CSMD1: variants seen among roughly 807,000 people sequenced by gnomAD.
CSMD1 encodes the protein CUB and Sushi multiple domains 1, also known as CUB and sushi domain-containing protein 1.
A neutral mutation model predicts 417.5 loss-of-function variants in CSMD1; 213 were observed. The ratio of observed to expected loss-of-function variants is 0.51; its 90% CI spans 0.46 to 0.57. The LOEUF is 0.57. CSMD1 is among the 20% of genes least tolerant of loss of function. The pLI, the probability that CSMD1 is intolerant of heterozygous loss-of-function variation, is 0.00. For missense variants in CSMD1, 6,923 were observed against 4,529.7 expected, an observed-to-expected ratio of 1.53 and a Z score of -15.17; for synonymous variants, 2,862 against 1,736.8, an observed-to-expected ratio of 1.65 and a Z score of -16.11.
chr8:4,063,481 G>A (rs908123855), intron 3 of CSMD1, among the ~76,000 whole-genome samples: 11 of 152,200 alleles, frequency 7.2e-5, no homozygotes, highest in East Asian at 3.9e-4. Context: ...TCTTATATGC[G>A]TCTATTAAAT....
intron 15 of CSMD1, among the ~76,000 whole-genome samples, chr8:3,401,680 T>C (rs1352543924): frequency 2.0e-5 from 3 of 152,134 alleles, no homozygotes; most frequent in African/African-American, 7.2e-5. Context: ...ACAGGTCCCT[T>C]CTTCAGTTGC....
intron 3 of CSMD1, among the ~76,000 whole-genome samples, chr8:4,242,629 A>T (rs1504771): frequency 0.47 from 70,904 of 152,046 alleles, 17,677 homozygotes; most frequent in Non-Finnish European, 0.55. Flanking sequence ...TTCATGAGGC[A>T]TCTTTGTGTG....
intron 3 of CSMD1, among the ~76,000 whole-genome samples, chr8:4,041,106 T>A (rs1190049240): frequency 7.1e-6 from 1 of 140,508 alleles, no homozygotes; most frequent in Non-Finnish European, 1.5e-5. Context: ...AAGCTCCGCC[T>A]CCCGGGTTCC....
intron 54 of CSMD1, among the ~76,000 whole-genome samples, chr8:2,982,210 G>C (rs993150051): frequency 1.3e-5 from 2 of 152,062 alleles, no homozygotes; most frequent in African/African-American, 4.8e-5. Flanking sequence ...ACAAAAATTA[G>C]CCAGGCATGG....
chr8:3,787,504 A>G (rs1216806692), intron 5 of CSMD1, among the ~76,000 whole-genome samples: 3 of 152,224 alleles, frequency 2.0e-5, no homozygotes, highest in African/African-American at 7.2e-5. Context: ...ACAGCTTATC[A>G]GAAGAACCTA....
Position 4,205,880 on chromosome 8 carries a change from T to C in CSMD1, c.416-173781A>G, listed in dbSNP as rs138873155. Reference sequence around the variant, plus strand: ...AAAAAACAGAAAATGAACTTCCTATTATGCACTGTGCAGAAAATCAGTACC... The same window carrying C: ...AAAAAACAGAAAATGAACTTCCTATCATGCACTGTGCAGAAAATCAGTACC... On this transcript the variant is annotated intron_variant, in intron 3 of 69. Coordinates refer to ENST00000635120, the MANE Select transcript of CSMD1 (RefSeq NM_033225.6). Among the ~76,000 whole-genome samples the C allele has an allele frequency of 2.2e-3, 337 of 152,288 alleles. 2 individuals carry two copies. Among genetic ancestry groups the C allele is most frequent in the African/African-American group, 7.9e-3 (327 of 41,564 alleles).
intron 5 of CSMD1, among the ~76,000 whole-genome samples, chr8:3,949,757 G>A (rs961121012): frequency 6.6e-6 from 1 of 152,134 alleles, no homozygotes; most frequent in African/African-American, 2.4e-5. Flanking sequence ...GGATCTCCAA[G>A]AAGCGCACAA....
intron 12 of CSMD1, among the ~76,000 whole-genome samples, chr8:3,447,978 C>G (rs1242926853): frequency 6.6e-6 from 1 of 152,102 alleles, no homozygotes; most frequent in Non-Finnish European, 1.5e-5. Flanking sequence ...GAAAAGAAAG[C>G]AGAGCTGAGG....
intron 2 of CSMD1, among the ~76,000 whole-genome samples, chr8:4,451,393 G>C (rs1016587016): frequency 2.0e-5 from 3 of 152,232 alleles, no homozygotes; most frequent in African/African-American, 7.2e-5. Flanking sequence ...GATAATTATT[G>C]AACATGTGCT....
intron 11 of CSMD1, among the ~76,000 whole-genome samples, chr8:3,484,827 T>C (rs570801424): frequency 1.3e-5 from 2 of 152,284 alleles, no homozygotes; most frequent in South Asian, 4.1e-4. Context: ...TGACAAAATG[T>C]TCAGTATCAT....
intron 1 of CSMD1, among the ~76,000 whole-genome samples, chr8:4,650,325 G>A (rs1476544376): frequency 7.9e-6 from 1 of 126,100 alleles, no homozygotes; most frequent in African/African-American, 3.1e-5. Context: ...AGCCTGGGCA[G>A]CAGTACGAGA....
intron 12 of CSMD1, among the ~76,000 whole-genome samples, chr8:3,465,069 A>C (rs1343995710): frequency 6.6e-6 from 1 of 152,162 alleles, no homozygotes; most frequent in African/African-American, 2.4e-5. Flanking sequence ...ATACTGTATA[A>C]CATACACATG....
chr8:3,919,797 C>T (rs1809102722), intron 5 of CSMD1, among the ~76,000 whole-genome samples: 1 of 152,058 alleles, frequency 6.6e-6, no homozygotes, highest in South Asian at 2.1e-4. Context: ...TTTGTGTTTT[C>T]AATTTTCTTC....
intron 2 of CSMD1, among the ~76,000 whole-genome samples, chr8:4,494,713 T>C (rs117622713): frequency 1.2e-3 from 188 of 152,164 alleles, no homozygotes; most frequent in Non-Finnish European, 2.1e-3. Context: ...TTCCAGTCAG[T>C]TGGGTTAAGT....
At chr8:3,079,535 C>G (rs1012282865) in intron 49 of CSMD1, among the ~76,000 whole-genome samples, 11 of 152,112 alleles carry the variant, frequency 7.2e-5, no homozygotes, top group African/African-American at 2.4e-4. Context: ...TCTCAAATAC[C>G]TATGCTCTTT....
Position 4,012,815 on chromosome 8 carries a change from C to G in CSMD1, c.611-14705G>C, listed in dbSNP as rs537742947. Among the ~76,000 whole-genome samples, 4 of 152,266 alleles carry G rather than the reference C, an allele frequency of 2.6e-5. No individual in the cohort carries two copies. In the South Asian group the frequency reaches 6.2e-4, roughly 24 times the overall value. On this transcript the variant is annotated intron_variant, in intron 4 of 69. Coordinates refer to ENST00000635120, the MANE Select transcript of CSMD1 (RefSeq NM_033225.6). Reference sequence around the variant, plus strand: ...TTCTCCATCTCAATAAACGGTAACTCCATTCTTCCAGTGTTGCACGAGAAG... The same window carrying G: ...TTCTCCATCTCAATAAACGGTAACTGCATTCTTCCAGTGTTGCACGAGAAG...
chr8:4,297,636 A>G lies in CSMD1; in HGVS notation c.415+122317T>C, dbSNP rs17069849. Among the ~76,000 whole-genome samples the G allele has an allele frequency of 5.9e-3, 896 of 152,232 alleles. 12 individuals are homozygous for G. Among genetic ancestry groups the G allele is most frequent in the African/African-American group, 0.02 (845 of 41,548 alleles). Reference sequence around the variant, plus strand: ...GCCTGAAATTGAACTTGACCTTTCAAAAGTTCACACTAGGGTTTGGATTTT... The same window carrying G: ...GCCTGAAATTGAACTTGACCTTTCAGAAGTTCACACTAGGGTTTGGATTTT... On this transcript the variant is annotated intron_variant, in intron 3 of 69. Transcript: ENST00000635120.
At chr8:3,267,458 T>C (rs1585860493) in intron 26 of CSMD1, among the ~76,000 whole-genome samples, 1 of 152,168 alleles carries the variant, frequency 6.6e-6, no homozygotes, top group Non-Finnish European at 1.5e-5. Flanking sequence ...TGGCCGTGCA[T>C]GTACACTGGT....
At chr8:4,505,227 G>C (rs1277582668) in intron 2 of CSMD1, among the ~76,000 whole-genome samples, 2 of 152,160 alleles carry the variant, frequency 1.3e-5, no homozygotes, top group East Asian at 3.9e-4. Flanking sequence ...TTGATTTGTA[G>C]AGAAAGTTTT....
Sources: gnomAD v4.1 joint callset for allele counts (sites outside exome capture counted in the v4.1 genomes callset) on GRCh38, gnomAD v4.1.1 for gene constraint, MANE v1.5 for transcripts, NCBI Gene and HGNC (gene_info 2026-07-23, HGNC 2026-07-21) for gene names.